The following CACNB4 variants were observed in gnomAD, a reference collection of about 807,000 sequenced individuals.
CACNB4 encodes the protein calcium voltage-gated channel auxiliary subunit beta 4.
A neutral mutation model predicts 71.2 loss-of-function variants in CACNB4; 32 were observed. The observed-to-expected ratio is 0.45, with a 90% confidence interval of 0.34 to 0.60. CACNB4 has a LOEUF of 0.60. CACNB4 is among the 20% of genes least tolerant of loss of function. The pLI is 0.01. For synonymous variants in CACNB4, 231 were observed against 236.9 expected (o/e 0.97, Z 0.23); for missense variants, 464 against 647.9 (o/e 0.72, Z 3.08).
chr2:151,997,397 G>T (rs906543249), intron 2 of CACNB4, among the ~76,000 whole-genome samples: 2 of 152,096 alleles, frequency 1.3e-5, no homozygotes, highest in Non-Finnish European at 2.9e-5. Flanking sequence ...AGGCAGGCGT[G>T]GTGGCGGGCG....
intron 10 of CACNB4, chr2:151,858,198 T>A (rs1167066794): frequency 6.6e-6 from 1 of 152,202 alleles, no homozygotes; most frequent in East Asian, 1.9e-4. Flanking sequence ...TGGGGAGTCA[T>A]GGACTATGAT....
intron 2 of CACNB4, among the ~76,000 whole-genome samples, chr2:152,047,668 C>T (rs540273785): frequency 4.9e-4 from 74 of 152,324 alleles, no homozygotes; most frequent in African/African-American, 1.8e-3. Flanking sequence ...CCAAGGAAGT[C>T]TGATCACTTG....
At chr2:152,013,383 A>T (rs536597100) in intron 2 of CACNB4, among the ~76,000 whole-genome samples, 1 of 152,200 alleles carries the variant, frequency 6.6e-6, no homozygotes, top group Non-Finnish European at 1.5e-5. Flanking sequence ...AGTCTTTGTC[A>T]GCACTTCAAG....
intron 2 of CACNB4, among the ~76,000 whole-genome samples, chr2:151,955,143 C>T (rs2099867922): frequency 6.6e-6 from 1 of 152,136 alleles, no homozygotes. Flanking sequence ...GCGTGAGCCA[C>T]CGTGCCCAGC....
intron 12 of CACNB4, chr2:151,850,141 CTTTTTTTTTTTT>C (rs750436136): frequency 7.1e-5 from 7 of 98,160 alleles, no homozygotes; most frequent in Admixed American, 2.1e-4. Context: ...TTCTTTCTTT[CTTTTTTTTTTTT>C]TTTTTTTTTG....
At chr2:151,887,488 T>C (rs1050760014) in intron 2 of CACNB4, among the ~76,000 whole-genome samples, 2 of 152,040 alleles carry the variant, frequency 1.3e-5, no homozygotes, top group Non-Finnish European at 2.9e-5. Flanking sequence ...TAGGGAATCT[T>C]CTCAAGTACA....
chr2:152,026,284 G>A (rs1010286438), intron 2 of CACNB4, among the ~76,000 whole-genome samples: 1 of 152,046 alleles, frequency 6.6e-6, no homozygotes, highest in African/African-American at 2.4e-5. Context: ...AATCTTCAGC[G>A]TCTTCCTTTC....
chr2:152,044,662 T>C (rs1320191616), intron 2 of CACNB4, among the ~76,000 whole-genome samples: 2 of 152,242 alleles, frequency 1.3e-5, no homozygotes, highest in Non-Finnish European at 2.9e-5. Context: ...TAAAAACTAC[T>C]TAAAATGAAA....
intron 2 of CACNB4, among the ~76,000 whole-genome samples, chr2:152,093,255 C>G (rs1203020530): frequency 2.0e-5 from 3 of 152,158 alleles, no homozygotes; most frequent in Non-Finnish European, 4.4e-5. Flanking sequence ...TAGATATGCT[C>G]TATTCTTAAC....
At chr2:151,917,655 G>C (rs576557589) in intron 2 of CACNB4, among the ~76,000 whole-genome samples, 8 of 152,026 alleles carry the variant, frequency 5.3e-5, no homozygotes, top group African/African-American at 1.9e-4. Context: ...TGGCCAACAT[G>C]GTGAAACCCC....
intron 2 of CACNB4, among the ~76,000 whole-genome samples, chr2:152,008,873 C>T (rs1682885780): frequency 1.3e-5 from 2 of 152,172 alleles, no homozygotes; most frequent in African/African-American, 2.4e-5. Context: ...TCCAGTGAAG[C>T]GCTGGGCAGC....
At chr2:152,094,778 TTAAG>T (rs1484056016) in intron 2 of CACNB4, among the ~76,000 whole-genome samples, 1 of 152,216 alleles carries the variant, frequency 6.6e-6, no homozygotes, top group East Asian at 1.9e-4. Context: ...TAGCAAATAC[TTAAG>T]TGTTTCCTAA....
chr2:151,982,671 A>G (rs2099874937), intron 2 of CACNB4, among the ~76,000 whole-genome samples: 1 of 151,444 alleles, frequency 6.6e-6, no homozygotes, highest in Non-Finnish European at 1.5e-5. Context: ...CTGCCTTCCC[A>G]TTCCTTTGGA....
chr2:152,076,023 G>T (rs188342674), intron 2 of CACNB4, among the ~76,000 whole-genome samples: 1 of 152,054 alleles, frequency 6.6e-6, no homozygotes, highest in African/African-American at 2.4e-5. Context: ...AGTGTGTGGG[G>T]TATGCATTTT....
chr2:151,858,103 C>A (rs958197867), intron 10 of CACNB4: 5 of 152,088 alleles, frequency 3.3e-5, no homozygotes, highest in African/African-American at 7.2e-5. Flanking sequence ...TCAACCAAAT[C>A]AAAAAATCTT....
intron 2 of CACNB4, among the ~76,000 whole-genome samples, chr2:151,947,518 C>T (rs1034246014): frequency 6.6e-6 from 1 of 152,124 alleles, no homozygotes; most frequent in Non-Finnish European, 1.5e-5. Context: ...ATAAGAATTC[C>T]GCATCACACA....
In CACNB4 at chr2:151,835,013, A is replaced by ATG; in HGVS notation, c.*4104_*4105dup. On this transcript the variant is annotated 3_prime_UTR_variant, in exon 14 of 14. Transcript: ENST00000539935. ...TTGATATGAAGTTTATTCCAATTAC[A>ATG]TGGGAGTCCAAGATTATGCATATCC... The ATG allele has an allele frequency of 6.6e-6, 1 of 151,986 alleles. No homozygotes were observed. The highest frequency in any genetic ancestry group is 1.5e-5 in the Non-Finnish European group (1 of 67,832). 9.4% of individuals were successfully genotyped at this position (151,986 alleles called of 1,614,324 possible).
At chr2:151,953,448 T>A (rs1358960083) in intron 2 of CACNB4, among the ~76,000 whole-genome samples, 1 of 152,216 alleles carries the variant, frequency 6.6e-6, no homozygotes, top group Non-Finnish European at 1.5e-5. Context: ...GACACTTGGG[T>A]TCAAATCCTG....
intron 3 of CACNB4, chr2:151,882,883 C>T (rs3754532): frequency 0.07 from 21,810 of 312,278 alleles, 1,499 homozygotes; most frequent in Admixed American, 0.22. Flanking sequence ...AGAACAACAG[C>T]ACACGTGTGG....
Sources: gnomAD v4.1 joint callset for allele counts (sites outside exome capture counted in the v4.1 genomes callset) on GRCh38, gnomAD v4.1.1 for gene constraint, MANE v1.5 for transcripts, NCBI Gene and HGNC (gene_info 2026-07-23, HGNC 2026-07-21) for gene names.